Variants in CFAP92 observed in about 807,000 individuals in gnomAD.
CFAP92 encodes the protein cilia and flagella associated protein 92 (putative), also known as uncharacterized protein CFAP92.
Under a neutral mutation model 106.3 loss-of-function variants are expected in CFAP92, and 86 were observed. That is an observed-to-expected ratio of 0.81 (90% CI 0.68 to 0.97). The LOEUF (loss-of-function observed/expected upper bound fraction) is 0.97, where lower values mean the gene tolerates loss of function less well. Ranked by LOEUF, CFAP92 falls within the 50% of genes least tolerant of loss-of-function variation. CFAP92 has a pLI of 0.00. For synonymous variants in CFAP92, 477 were observed against 506.4 expected (o/e 0.94, Z 0.78); for missense variants, 1,204 against 1,283.8 (o/e 0.94, Z 0.95).
In CFAP92 at chr3:128,962,176, T is replaced by C. The variant is rs936874853; in HGVS notation, c.1353+3335A>G. 9.8e-5 allele frequency among the ~76,000 whole-genome samples: 15 copies of C among 152,322 alleles called. 1 individual carries two copies. The Middle Eastern group carries it at 0.017, about 173-fold the overall frequency. On this transcript the variant is annotated intron_variant, in intron 9 of 15. Coordinates refer to ENST00000645291, the MANE Select transcript of CFAP92 (RefSeq NM_001394090.1). ...TCTCGGCTTAGCGGCTGAAGACTGA[T>C]GCTGCCCGATCGCCTCGGAAGCCCC...
Position 128,993,176 on chromosome 3 carries a change from G to C in CFAP92, c.129C>G (p.Ala43=), listed in dbSNP as rs753944808. 6.2e-7 allele frequency: 1 copy of C among 1,614,060 alleles called. No homozygotes were observed. Among genetic ancestry groups the C allele is most frequent in the South Asian group, 1.1e-5 (1 of 91,090 alleles). ...ACGGGCGGTCAGAGTCAGACTCCTG[G>C]GCCCTGGCCTTGGCCTTCAGGTGTT... ...VEEHLKAKAR[A]QESDSDRPCS... The change falls in exon 2 of 16, where the codon GCC becomes GCG. Residue 43 remains alanine, a synonymous_variant. Coordinates refer to ENST00000645291, the MANE Select transcript of CFAP92 (RefSeq NM_001394090.1).
chr3:128,925,229 G>A (rs1937570390), intron 12 of CFAP92, among the ~76,000 whole-genome samples: 1 of 152,220 alleles, frequency 6.6e-6, no homozygotes, highest in African/African-American at 2.4e-5. Flanking sequence ...TTCCACCTCA[G>A]CTCATCAGGC....
In CFAP92 at chr3:128,936,363, T is replaced by C. The variant is rs1035454619; in HGVS notation, c.2259-1044A>G. ...TTGATTCACAGGACTTTAAAAAATA[T>C]ATTTAGGATACTAATTATTGGTCAG... On this transcript the variant is annotated intron_variant, in intron 10 of 15. Coordinates refer to ENST00000645291, the MANE Select transcript of CFAP92 (RefSeq NM_001394090.1). Among the ~76,000 whole-genome samples, 4 of 152,382 alleles carry C rather than the reference T, an allele frequency of 2.6e-5. No homozygotes were observed. The East Asian group carries it at 7.7e-4, about 29-fold the overall frequency.
the CFAP92 span, among the ~76,000 whole-genome samples, chr3:129,024,635 T>C: frequency 3.2e-4 from 49 of 151,904 alleles, no homozygotes; most frequent in Non-Finnish European, 6.0e-4. Flanking sequence ...GGCTTCTTGG[T>C]GCACCGTTCC....
chr3:128,989,826 C>T (rs1488759033), intron 2 of CFAP92, among the ~76,000 whole-genome samples: 1 of 152,124 alleles, frequency 6.6e-6, no homozygotes, highest in East Asian at 1.9e-4. Context: ...AGTGAAGCTT[C>T]TCCTGCCAGT....
intron 12 of CFAP92, among the ~76,000 whole-genome samples, chr3:128,928,245 T>A (rs1937923111): frequency 2.0e-5 from 3 of 152,204 alleles, no homozygotes; most frequent in East Asian, 3.9e-4. Flanking sequence ...AGAGCAAGAC[T>A]CCGTCCCAAA....
chr3:128,922,722 G>A (rs536083821), intron 12 of CFAP92, among the ~76,000 whole-genome samples: 19 of 152,294 alleles, frequency 1.2e-4, no homozygotes, highest in East Asian at 3.9e-4. Flanking sequence ...ACCATGTCAC[G>A]GGCCAGATGG....
chr3:128,945,876 T>C lies in CFAP92; in HGVS notation c.1453A>G (p.Ile485Val), dbSNP rs868092330. 6.8e-7 allele frequency: 1 copy of C among 1,476,792 alleles called. No individual in the cohort carries two copies. Among genetic ancestry groups the C allele is most frequent in the Non-Finnish European group, 8.9e-7 (1 of 1,122,300 alleles). The allele number at this position is 1,476,792 out of a possible 1,614,324, so 91.5% of individuals were successfully genotyped here. Residue 485 changes from isoleucine (I) to valine (V), a missense_variant, in exon 10 of 16, where the codon ATC becomes GTC. Coordinates refer to ENST00000645291, the MANE Select transcript of CFAP92 (RefSeq NM_001394090.1). ...AGTGCCCCAAGGAAGATGACGTTGATGTCCTGGAAATAAACGTGGGTTCCA... is the reference window on the plus strand; with the variant it reads ...AGTGCCCCAAGGAAGATGACGTTGACGTCCTGGAAATAAACGTGGGTTCCA... ...PHGTHVYFQDINVIFLGALHP... is the reference protein window; with the variant it reads ...PHGTHVYFQDVNVIFLGALHP...
intron 15 of CFAP92, chr3:128,913,260 C>T (rs1936543339): frequency 2.8e-6 from 1 of 359,012 alleles, no homozygotes; most frequent in African/African-American, 2.1e-5. Flanking sequence ...GGAGCAGACA[C>T]ACAGTGCAGG....
intron 8 of CFAP92, chr3:128,970,031 G>A (rs1379728679): frequency 6.6e-6 from 1 of 152,204 alleles, no homozygotes; most frequent in Non-Finnish European, 1.5e-5. Context: ...GAAGCAGGAG[G>A]ATTACTTGTG....
the CFAP92 span, among the ~76,000 whole-genome samples, chr3:129,010,958 T>A: frequency 1.3e-5 from 2 of 152,144 alleles, no homozygotes; most frequent in African/African-American, 4.8e-5. This position sits in a 1 kb window ranked among gnomAD's most constrained non-coding sequence, Gnocchi z 4.3. Flanking sequence ...CTCTTCAACA[T>A]GTGTGGTAGG....
At chr3:128,972,916 G>C (rs1942906029) in intron 7 of CFAP92, among the ~76,000 whole-genome samples, 1 of 151,358 alleles carries the variant, frequency 6.6e-6, no homozygotes, top group South Asian at 2.1e-4. Flanking sequence ...AGCTGGCTAT[G>C]AACTCTGGGC....
intron 3 of CFAP92, among the ~76,000 whole-genome samples, chr3:128,988,159 CTGCACACA>C (rs1461790330): frequency 6.6e-6 from 1 of 152,056 alleles, no homozygotes; most frequent in Non-Finnish European, 1.5e-5. Flanking sequence ...ACACACACGT[CTGCACACA>C]TGCACACACA....
At chr3:128,939,904 A>C (rs186629911) in intron 10 of CFAP92, among the ~76,000 whole-genome samples, 47 of 152,358 alleles carry the variant, frequency 3.1e-4, no homozygotes, top group African/African-American at 1.1e-3. Flanking sequence ...AAGCTCAGGC[A>C]GAGCTTGCTG....
chr3:128,914,962 C>CT lies in CFAP92; in HGVS notation c.3280+156dup, dbSNP rs1017024245. The stretch of plus-strand genomic sequence containing the variant: ...TGAGTTCCAGCCCAGCATTCAATCT[C>CT]TTTTTTCAGACCCATTCTGCATCTT... On this transcript the variant is annotated intron_variant, in intron 15 of 15. Coordinates refer to ENST00000645291, the MANE Select transcript of CFAP92 (RefSeq NM_001394090.1). The CT allele has an allele frequency of 8.1e-5, 58 of 714,088 alleles. No homozygotes were observed. In the African/African-American group the frequency reaches 9.8e-4, roughly 12 times the overall value. 44.2% of individuals were successfully genotyped at this position (714,088 alleles called of 1,614,324 possible). A position where few individuals can be genotyped will look rare whatever the true frequency, so the allele number is the denominator to read the frequency against.
At chr3:128,918,677 A>T (rs529173638) in intron 12 of CFAP92, among the ~76,000 whole-genome samples, 1 of 152,332 alleles carries the variant, frequency 6.6e-6, no homozygotes, top group South Asian at 2.1e-4. Context: ...GAGATGAGAT[A>T]AAAGGGATGT....
the CFAP92 span, among the ~76,000 whole-genome samples, chr3:129,023,310 CTT>C: frequency 4.6e-4 from 64 of 138,094 alleles, no homozygotes; most frequent in Admixed American, 1.1e-3. Flanking sequence ...CCTCTTGCTT[CTT>C]TTTTTTTTTT....
At chr3:128,972,574 G>A (rs73210686) in intron 7 of CFAP92, among the ~76,000 whole-genome samples, 31,716 of 150,768 alleles carry the variant, frequency 0.21, 3,639 homozygotes, top group Middle Eastern at 0.28. Flanking sequence ...GTGATGTTTC[G>A]CCCGAGTGTG....
At chr3:129,014,276 G>T in the CFAP92 span, among the ~76,000 whole-genome samples, 1 of 152,230 alleles carries the variant, frequency 6.6e-6, no homozygotes, top group Admixed American at 6.5e-5. This position sits in a 1 kb window ranked among gnomAD's most constrained non-coding sequence, Gnocchi z 4.3. Flanking sequence ...CGAGGGGAGG[G>T]TCAGGGAGTG....
Sources: allele counts gnomAD v4.1 joint callset (sites outside exome capture counted in the v4.1 genomes callset), GRCh38; gene constraint gnomAD v4.1.1; non-coding constraint Gnocchi (gnomAD v3.1); transcripts MANE v1.5; gene names NCBI Gene and HGNC (gene_info 2026-07-23, HGNC 2026-07-21).